The following CACNA1D variants were observed in gnomAD, a reference collection of about 807,000 sequenced individuals.
CACNA1D encodes the protein voltage-dependent L-type calcium channel subunit alpha-1D.
Under a neutral mutation model 257.1 loss-of-function variants are expected in CACNA1D, and 55 were observed. The observed-to-expected ratio is 0.21, with a 90% CI of 0.17 to 0.27. The LOEUF (loss-of-function observed/expected upper bound fraction) is 0.27. CACNA1D is among the 10% of genes least tolerant of loss of function. The probability of loss-of-function intolerance (pLI) is 1.00; values close to 1 mark genes in which losing one functional copy is unlikely to be tolerated. For missense variants in CACNA1D, 1,876 were observed against 2,784.0 expected (o/e 0.67, Z 7.34); for synonymous variants, 980 against 1,014.9 (o/e 0.97, Z 0.65).
chr3:53,718,274 T>C (rs1305677198), intron 9 of CACNA1D, 27 bp from the exon 10 acceptor site: 5 of 1,601,898 alleles, frequency 3.1e-6, no homozygotes, highest in Admixed American at 1.7e-5. Flanking sequence ...CCCCGCATGC[T>C]CTCTGAAGCC....
At chr3:53,594,206 C>T (rs2093343234) in intron 3 of CACNA1D, among the ~76,000 whole-genome samples, 2 of 152,202 alleles carry the variant, frequency 1.3e-5, no homozygotes, top group Non-Finnish European at 2.9e-5. Flanking sequence ...GTTAGAAAAC[C>T]ACTTTCAGAC....
At chr3:53,637,027 A>G (rs1160095343) in intron 3 of CACNA1D, among the ~76,000 whole-genome samples, 8 of 151,102 alleles carry the variant, frequency 5.3e-5, no homozygotes, top group Admixed American at 3.9e-4. Context: ...TTTTTATTTT[A>G]TTTTCCTCGC....
rs548489681 is a variant in CACNA1D, at chr3:53,583,433, C to T, written c.484-67346C>T. Among the ~76,000 whole-genome samples the T allele has an allele frequency of 9.2e-5, 14 of 152,286 alleles. 1 individual carries two copies. Among genetic ancestry groups the T allele is most frequent in the Middle Eastern group, 6.8e-3 (2 of 294 alleles). On this transcript the variant is annotated intron_variant, in intron 3 of 47. Coordinates refer to ENST00000350061, the MANE Select transcript of CACNA1D (RefSeq NM_001128840.3). ...AAATGTAGTCTGAGCTGTCTTCTCT[C>T]TAAAGGACTCTTCAGCCCCATGACC...
intron 3 of CACNA1D, among the ~76,000 whole-genome samples, chr3:53,529,663 G>T (rs2091882487): frequency 6.6e-6 from 1 of 152,162 alleles, no homozygotes; most frequent in African/African-American, 2.4e-5. Flanking sequence ...GTAACATGAG[G>T]TATCTGTGAA....
intron 2 of CACNA1D, among the ~76,000 whole-genome samples, chr3:53,499,313 AT>A (rs531894579): frequency 5.9e-5 from 9 of 151,366 alleles, no homozygotes; most frequent in Middle Eastern, 3.4e-3. Context: ...GCAATATATG[AT>A]TTTTTTTTCT....
chr3:53,654,309 G>T (rs535396391), intron 4 of CACNA1D, among the ~76,000 whole-genome samples: 2 of 152,138 alleles, frequency 1.3e-5, no homozygotes, highest in African/African-American at 4.8e-5. Flanking sequence ...TTCTCCCCTC[G>T]TTTAAAAATT....
At chr3:53,562,461 T>A (rs1418259200) in intron 3 of CACNA1D, among the ~76,000 whole-genome samples, 1 of 152,228 alleles carries the variant, frequency 6.6e-6, no homozygotes, top group Non-Finnish European at 1.5e-5. Context: ...TGGTAAAATG[T>A]GACCTGAATT....
At chr3:53,585,548 C>T (rs2093200641) in intron 3 of CACNA1D, among the ~76,000 whole-genome samples, 1 of 152,022 alleles carries the variant, frequency 6.6e-6, no homozygotes, top group African/African-American at 2.4e-5. Context: ...GTGATTCTAC[C>T]TCCCTAACAT....
intron 15 of CACNA1D, among the ~76,000 whole-genome samples, chr3:53,728,112 T>C (rs1285560953): frequency 6.6e-6 from 1 of 152,110 alleles, no homozygotes; most frequent in African/African-American, 2.4e-5. Context: ...TGTAGGTTCT[T>C]CTGTCTACTG....
intron 3 of CACNA1D, among the ~76,000 whole-genome samples, chr3:53,507,902 G>A (rs1279882825): frequency 6.6e-6 from 1 of 152,046 alleles, no homozygotes; most frequent in Non-Finnish European, 1.5e-5. Context: ...AAAAAAGTGC[G>A]TATGTATGTA....
intron 39 of CACNA1D, 131 bp downstream of exon 39, chr3:53,781,798 A>G (rs2095426725): frequency 4.1e-6 from 3 of 734,524 alleles, no homozygotes; most frequent in Non-Finnish European, 7.5e-6. Context: ...CAACTGATAA[A>G]GAAAGCCCTT....
intron 32 of CACNA1D, among the ~76,000 whole-genome samples, chr3:53,771,643 C>T (rs150930077): frequency 2.0e-5 from 3 of 152,280 alleles, no homozygotes; most frequent in Middle Eastern, 3.4e-3. Context: ...TTTAAAGTAC[C>T]AAAACTTGGG....
intron 3 of CACNA1D, among the ~76,000 whole-genome samples, chr3:53,505,257 C>T (rs562730175): frequency 9.2e-5 from 14 of 151,678 alleles, no homozygotes; most frequent in East Asian, 5.8e-4. Context: ...TACAGACGAG[C>T]GCCAACATGC....
intron 43 of CACNA1D, among the ~76,000 whole-genome samples, chr3:53,802,912 G>A (rs2095543511): frequency 6.6e-6 from 1 of 152,144 alleles, no homozygotes; most frequent in Non-Finnish European, 1.5e-5. Flanking sequence ...TGGTGGACAT[G>A]TTCTGTGACA....
At chr3:53,679,269 T>TAAAAAAAAAAAAAAAAAA (rs1559504844) in intron 8 of CACNA1D, 1 of 6,372 alleles carries the variant, frequency 1.6e-4, no homozygotes, top group African/African-American at 3.3e-4. Context: ...AAACTCCATC[T>TAAAAAAAAAAAAAAAAAA]CAAAAAAAAA....
At chr3:53,498,694 G>T (rs527729534) in intron 2 of CACNA1D, among the ~76,000 whole-genome samples, 47 of 152,322 alleles carry the variant, frequency 3.1e-4, no homozygotes, top group African/African-American at 1.1e-3. Flanking sequence ...TGAGGATCTA[G>T]CTCGGCAGCT....
chr3:53,558,209 A>G (rs1371257167), intron 3 of CACNA1D, among the ~76,000 whole-genome samples: 1 of 152,084 alleles, frequency 6.6e-6, no homozygotes, highest in Non-Finnish European at 1.5e-5. Flanking sequence ...TTCATAAGAG[A>G]TGTTGGTATG....
intron 3 of CACNA1D, among the ~76,000 whole-genome samples, chr3:53,508,797 G>A (rs1408296651): frequency 2.6e-5 from 4 of 152,202 alleles, no homozygotes; most frequent in African/African-American, 7.2e-5. Context: ...TGGCGGTGGG[G>A]ACACGCCCCA....
chr3:53,730,729 G>A (rs937104716), intron 16 of CACNA1D, among the ~76,000 whole-genome samples, 173 bp downstream of exon 16: 2 of 152,260 alleles, frequency 1.3e-5, no homozygotes, highest in Non-Finnish European at 2.9e-5. Context: ...ATCTTGGGCA[G>A]AAGCCAGGCT....
Sources: allele counts gnomAD v4.1 joint callset (sites outside exome capture counted in the v4.1 genomes callset), GRCh38; gene constraint gnomAD v4.1.1; transcripts MANE v1.5; gene names NCBI Gene and HGNC (gene_info 2026-07-23, HGNC 2026-07-21).